RAB4A: variants seen among roughly 807,000 people sequenced by gnomAD.
RAB4A encodes RAB4A, member RAS oncogene family, also known as ras-related protein Rab-4A.
Under a neutral mutation model 34.5 loss-of-function variants are expected in RAB4A, and 20 were observed. That is an observed-to-expected ratio of 0.58 (90% confidence interval 0.41 to 0.84). The LOEUF is 0.84. Among genes scored for constraint, RAB4A ranks in the 40% least tolerant of loss-of-function variants. RAB4A has a pLI of 0.00. For synonymous variants in RAB4A, 102 were observed against 100.0 expected, an observed-to-expected ratio of 1.02 and a Z score of -0.12; for missense variants, 228 against 274.5, an observed-to-expected ratio of 0.83 and a Z score of 1.20.
chr1:229,274,309 C>T (rs1397787575), intron 1 of RAB4A, among the ~76,000 whole-genome samples: 4 of 151,834 alleles, frequency 2.6e-5, no homozygotes, highest in African/African-American at 7.3e-5. Flanking sequence ...AAGTGATCCT[C>T]GTGCCTCCAC....
At chr1:229,282,004 G>A (rs1259921361) in intron 1 of RAB4A, among the ~76,000 whole-genome samples, 2 of 151,868 alleles carry the variant, frequency 1.3e-5, no homozygotes, top group African/African-American at 4.8e-5. Flanking sequence ...TATTGTATTT[G>A]CCCATGTTTT....
intron 6 of RAB4A, among the ~76,000 whole-genome samples, chr1:229,300,848 A>G (rs1482428511): frequency 6.6e-6 from 1 of 152,188 alleles, no homozygotes; most frequent in African/African-American, 2.4e-5. Context: ...AGCAGTGATC[A>G]ACAGAACCCT....
chr1:229,298,649 GAA>G lies in RAB4A; in HGVS notation c.446-326_446-325del, dbSNP rs542540777. 3.3e-3 allele frequency among the ~76,000 whole-genome samples: 499 copies of G among 152,350 alleles called. 1 individual carries two copies. The highest frequency in any genetic ancestry group is 5.9e-3 in the Non-Finnish European group (403 of 68,024). On this transcript the variant is annotated intron_variant, in intron 5 of 7. Coordinates refer to ENST00000366690, the MANE Select transcript of RAB4A (RefSeq NM_004578.4). ...GAAGAAGGACATTGCAACTTTCCCT[GAA>G]ATCAATGGCAGGGCCATTTTGGCAA...
At chr1:229,283,621 A>T (rs1196695130) in intron 1 of RAB4A, among the ~76,000 whole-genome samples, 1 of 152,138 alleles carries the variant, frequency 6.6e-6, no homozygotes, top group Non-Finnish European at 1.5e-5. Flanking sequence ...TACAAGAGGC[A>T]AAAAGAACCC....
At chr1:229,287,304 A>C (rs549730887) in intron 2 of RAB4A, among the ~76,000 whole-genome samples, 116 of 152,254 alleles carry the variant, frequency 7.6e-4, no homozygotes, top group Non-Finnish European at 3.5e-4. Flanking sequence ...TTTGGCAGAA[A>C]GCTTTGAAGA....
chr1:229,299,095 A>G, intron 6 of RAB4A, 23 bp downstream of exon 6: 2 of 1,522,450 alleles, frequency 1.3e-6, no homozygotes, highest in Non-Finnish European at 1.8e-6. Flanking sequence ...CCATTAAGCA[A>G]CTTTTCTTCT....
At chr1:229,291,451 A>C (rs1657066645) in intron 3 of RAB4A, among the ~76,000 whole-genome samples, 1 of 150,020 alleles carries the variant, frequency 6.7e-6, no homozygotes, top group South Asian at 2.3e-4. Context: ...CTGCCCTTCC[A>C]GGAGGACCAG....
chr1:229,273,351 C>T (rs1290642362), intron 1 of RAB4A, among the ~76,000 whole-genome samples: 1 of 152,198 alleles, frequency 6.6e-6, no homozygotes, highest in African/African-American at 2.4e-5. Context: ...ATTCTTATTT[C>T]ATGGTAACTT....
intron 4 of RAB4A, among the ~76,000 whole-genome samples, chr1:229,296,808 G>A (rs150607213): frequency 1.3e-5 from 2 of 152,360 alleles, no homozygotes; most frequent in East Asian, 3.9e-4. Context: ...TGCCCAGGCA[G>A]TGAAAGGCTC....
intron 6 of RAB4A, 113 bp from the exon 7 acceptor site, chr1:229,302,749 A>G: frequency 1.5e-6 from 1 of 675,484 alleles, no homozygotes; most frequent in Non-Finnish European, 2.4e-6. Context: ...TTTATTCAGA[A>G]TGGTGGGATA....
chr1:229,293,739 G>A (rs1044060516), intron 3 of RAB4A, among the ~76,000 whole-genome samples: 1 of 152,064 alleles, frequency 6.6e-6, no homozygotes. Flanking sequence ...GAGACAGCAC[G>A]CTGAGATAGA....
chr1:229,302,648 A>G (rs1478552823), intron 6 of RAB4A, among the ~76,000 whole-genome samples: 1 of 151,856 alleles, frequency 6.6e-6, no homozygotes, highest in Non-Finnish European at 1.5e-5. Context: ...GTCCTCAGCC[A>G]TCTAGAACTC....
At chr1:229,271,861 C>G (rs564749613) in intron 1 of RAB4A, among the ~76,000 whole-genome samples, 5 of 152,186 alleles carry the variant, frequency 3.3e-5, no homozygotes, top group Non-Finnish European at 7.3e-5. Context: ...TATTAATAGG[C>G]TAATTCATTC....
Position 229,294,111 on chromosome 1 carries a change from C to T in RAB4A, c.228-1737C>T, listed in dbSNP as rs1657172136. On this transcript the variant is annotated intron_variant, in intron 3 of 7. Transcript: ENST00000366690. ...GCTGATTTGCTTTAGAAACAGGGTG[C>T]GTGGTGATGCCTCTTCCTAGGCCAG... 2.0e-5 allele frequency among the ~76,000 whole-genome samples: 3 copies of T among 152,092 alleles called. 1 individual carries two copies. In the South Asian group the frequency reaches 6.2e-4, roughly 32 times the overall value.
chr1:229,299,070 C>A lies in RAB4A; in HGVS notation c.539C>A (p.Ser180Ter). ...AGAAAAATACTTAACAAAATCGAAT[C>A]AGGTAAAAGCCTTTCCATTAAGCAA... is the stretch of plus-strand genomic sequence containing the variant. Reference protein sequence around the residue: ...CARKILNKIESGELDPERMGS... With the variant: ...CARKILNKIE Residue 180 changes from serine to a stop codon, truncating the protein, a stop_gained and splice_region_variant, in exon 6 of 8, where the codon TCA (serine) becomes TAA (stop). Transcript: ENST00000366690. LOFTEE classifies it high-confidence loss of function. The A allele has an allele frequency of 6.2e-7, 1 of 1,600,124 alleles. No homozygotes were observed. Among genetic ancestry groups the A allele is most frequent in the South Asian group, 1.1e-5 (1 of 88,804 alleles).
At chr1:229,287,495 G>A (rs1419541894) in intron 2 of RAB4A, among the ~76,000 whole-genome samples, 1 of 152,066 alleles carries the variant, frequency 6.6e-6, no homozygotes, top group African/African-American at 2.4e-5. Flanking sequence ...ACTTTGTGTG[G>A]TACAGTCTTA....
chr1:229,284,407 G>T (rs237759), intron 1 of RAB4A, among the ~76,000 whole-genome samples: 99,071 of 151,946 alleles, frequency 0.65, 32,519 homozygotes, highest in African/African-American at 0.71. Context: ...CCTTTTCTAG[G>T]GTTTTTAGTT....
At chr1:229,302,693 A>C (rs1296822068) in intron 6 of RAB4A, among the ~76,000 whole-genome samples, 169 bp from the exon 7 acceptor site, 1 of 151,570 alleles carries the variant, frequency 6.6e-6, no homozygotes, top group Non-Finnish European at 1.5e-5. Context: ...ATCCTGCTAG[A>C]GATGTTTTGT....
At chr1:229,277,214 G>A (rs898001972) in intron 1 of RAB4A, among the ~76,000 whole-genome samples, 3 of 150,656 alleles carry the variant, frequency 2.0e-5, no homozygotes, top group Non-Finnish European at 1.5e-5. Context: ...ACCCAATCAC[G>A]AACCTGGAGC....
Sources: allele counts gnomAD v4.1 joint callset (sites outside exome capture counted in the v4.1 genomes callset), GRCh38; gene constraint gnomAD v4.1.1; transcripts MANE v1.5; gene names NCBI Gene and HGNC (gene_info 2026-07-23, HGNC 2026-07-21).